Variants in MEGF6 observed in about 807,000 individuals in gnomAD.
MEGF6 encodes multiple epidermal growth factor-like domains protein 6.
In MEGF6, 184 loss-of-function variants were observed where a neutral mutation model predicts 207.1. The observed-to-expected ratio is 0.89, with a 90% confidence interval of 0.79 to 1.00. MEGF6 has a LOEUF of 1.00. Among genes scored for constraint, MEGF6 ranks in the 50% least tolerant of loss-of-function variants. The probability of loss-of-function intolerance (pLI) is 0.00; values close to 1 mark genes in which losing one functional copy is unlikely to be tolerated. For synonymous variants in MEGF6, 1,038 were observed against 910.0 expected (o/e 1.14, Z -2.53); for missense variants, 2,282 against 2,202.9 (o/e 1.04, Z -0.72).
chr1:3,543,890 T>C (rs1315904604), intron 4 of MEGF6, among the ~76,000 whole-genome samples: 1 of 152,182 alleles, frequency 6.6e-6, no homozygotes, highest in Non-Finnish European at 1.5e-5. Flanking sequence ...GCACACCACC[T>C]GCCGTGCCTG....
At chr1:3,530,855 A>T (rs1338704471) in intron 4 of MEGF6, among the ~76,000 whole-genome samples, 1 of 152,168 alleles carries the variant, frequency 6.6e-6, no homozygotes, top group East Asian at 1.9e-4. Flanking sequence ...CCTGGCTGTT[A>T]GTAGCCTCTG....
At chr1:3,598,504 T>TC (rs36094767) in intron 2 of MEGF6, among the ~76,000 whole-genome samples, 105,214 of 152,052 alleles carry the variant, frequency 0.69, 37,475 homozygotes, top group East Asian at 0.85. Flanking sequence ...TAAATATTTA[T>TC]CCCCTCTCCC....
intron 4 of MEGF6, among the ~76,000 whole-genome samples, chr1:3,578,704 C>A (rs1643710793): frequency 1.0e-5 from 1 of 95,776 alleles, no homozygotes; most frequent in African/African-American, 3.0e-5. Context: ...CCAGCACCAA[C>A]TGTCCGCCTT....
chr1:3,555,038 CA>C (rs989436117), intron 4 of MEGF6, among the ~76,000 whole-genome samples: 4 of 152,154 alleles, frequency 2.6e-5, no homozygotes, highest in African/African-American at 7.2e-5. Flanking sequence ...TCCTGGAACC[CA>C]GCCACACCCT....
chr1:3,589,005 T>C (rs78529100), intron 3 of MEGF6, among the ~76,000 whole-genome samples: 26 of 152,236 alleles, frequency 1.7e-4, no homozygotes, highest in Non-Finnish European at 3.7e-4. Flanking sequence ...GACCTCTAAA[T>C]GTGACCCTGC....
rs1213124334 is a variant in MEGF6, at chr1:3,488,244, C to A, written c.*2284G>T. Among the ~76,000 whole-genome samples, 1 of 152,194 alleles carries A rather than the reference C, an allele frequency of 6.6e-6. No individual in the cohort carries two copies. The highest frequency in any genetic ancestry group is 1.9e-4 in the East Asian group (1 of 5,192). ...TTATTCTGCTTTATTTTCCTCTGCT[C>A]CTGACCGCCGTTGGATAGCTGAGAT... On this transcript the variant is annotated 3_prime_UTR_variant, in exon 37 of 37. Transcript: ENST00000356575.
At position 3,574,754 on chromosome 1, in the gene MEGF6, T is replaced by C. The variant is rs982276686; in HGVS notation, c.481+5071A>G. ...ACCTCCCAGGTTCAATCAATCCTCC[T>C]GCCTCAGCCTCCTGGGTAGCTGGAA... On this transcript the variant is annotated intron_variant, in intron 4 of 36. Coordinates refer to ENST00000356575, the MANE Select transcript of MEGF6 (RefSeq NM_001409.4). Among the ~76,000 whole-genome samples, 38 of 152,210 alleles carry C rather than the reference T, an allele frequency of 2.5e-4. 1 individual carries two copies. The highest frequency in any genetic ancestry group is 4.4e-5 in the Non-Finnish European group (3 of 68,028).
Position 3,605,272 on chromosome 1 carries a change from AC to A in MEGF6, c.132-2673del, listed in dbSNP as rs377406344. Among the ~76,000 whole-genome samples, 45 of 151,970 alleles carry A rather than the reference AC, an allele frequency of 3.0e-4. No individual in the cohort carries two copies. The East Asian group carries it at 4.1e-3, about 14-fold the overall frequency. On this transcript the variant is annotated intron_variant, in intron 1 of 36. Transcript: ENST00000356575. ...AGAAGGCACTCACACATACTCTCAC[AC>A]CCACACAATCACACAAACGCAATCA...
intron 2 of MEGF6, among the ~76,000 whole-genome samples, chr1:3,598,748 C>A (rs956700766): frequency 2.7e-5 from 4 of 147,320 alleles, no homozygotes; most frequent in African/African-American, 5.0e-5. Flanking sequence ...CACTCCTCTG[C>A]CTTCTGCAGC....
At chr1:3,610,519 C>T (rs1242893023) in intron 1 of MEGF6, among the ~76,000 whole-genome samples, 5 of 151,746 alleles carry the variant, frequency 3.3e-5, no homozygotes, top group East Asian at 1.9e-4. Context: ...GCACGTTTTC[C>T]TTTGAGGCCA....
Position 3,510,838 on chromosome 1 carries a change from G to T in MEGF6, c.1179C>A (p.Tyr393Ter). 6.2e-7 allele frequency: 1 copy of T among 1,610,994 alleles called. No homozygotes were observed. Among genetic ancestry groups the T allele is most frequent in the Non-Finnish European group, 8.5e-7 (1 of 1,178,484 alleles). Reference protein sequence around the residue: ...QQVCTNNPGGYECGCYAGYRL... With the variant: ...QQVCTNNPGG ...GGTAGCCGGCGTAGCAGCCGCACTC[G>T]TACCCGCCAGGGTTGTTGGTGCACA... is the stretch of plus-strand genomic sequence containing the variant. Residue 393 changes from tyrosine (Y) to a stop codon, truncating the protein, a stop_gained, in exon 10 of 37, where the codon TAC becomes TAA. Transcript: ENST00000356575. LOFTEE classifies it high-confidence loss of function.
chr1:3,593,679 C>G (rs1039250686), intron 3 of MEGF6, among the ~76,000 whole-genome samples: 2 of 151,924 alleles, frequency 1.3e-5, no homozygotes, highest in Admixed American at 6.6e-5. Context: ...AGTGGAAACC[C>G]GGGGGAGCCT....
At chr1:3,597,491 C>T (rs1401464979) in intron 2 of MEGF6, among the ~76,000 whole-genome samples, 5 of 152,332 alleles carry the variant, frequency 3.3e-5, no homozygotes, top group Non-Finnish European at 2.9e-5. Context: ...CAGGTCCACC[C>T]GGCTGTGACC....
At chr1:3,499,334 G>A in intron 23 of MEGF6, 68 bp from the exon 24 acceptor site, 2 of 1,524,434 alleles carry the variant, frequency 1.3e-6, no homozygotes, top group Non-Finnish European at 1.8e-6. Context: ...GCAGATCACA[G>A]CCAGCTGGGC....
intron 3 of MEGF6, among the ~76,000 whole-genome samples, chr1:3,592,007 C>T (rs1364074481): frequency 1.3e-5 from 2 of 152,182 alleles, no homozygotes; most frequent in African/African-American, 2.4e-5. Flanking sequence ...GGCCCATCAG[C>T]GAACACTTGC....
chr1:3,613,688 G>A (rs571063900), upstream of MEGF6, among the ~76,000 whole-genome samples: 3 of 152,278 alleles, frequency 2.0e-5, no homozygotes, highest in South Asian at 2.1e-4. Context: ...AGCCTGAAAC[G>A]TATAAAATGA....
intron 4 of MEGF6, among the ~76,000 whole-genome samples, chr1:3,575,587 G>C (rs2101724803): frequency 6.6e-6 from 1 of 151,830 alleles, no homozygotes; most frequent in South Asian, 2.1e-4. Context: ...CACGTGGCTG[G>C]GGAGGCCTCA....
At chr1:3,570,154 G>A (rs1383958538) in intron 4 of MEGF6, among the ~76,000 whole-genome samples, 1 of 152,192 alleles carries the variant, frequency 6.6e-6, no homozygotes, top group Non-Finnish European at 1.5e-5. Flanking sequence ...GATGGTCGTG[G>A]AGGGGCCACA....
At chr1:3,593,860 T>C (rs1157360637) in intron 3 of MEGF6, among the ~76,000 whole-genome samples, 1 of 152,062 alleles carries the variant, frequency 6.6e-6, no homozygotes, top group Non-Finnish European at 1.5e-5. Flanking sequence ...AGTGGCCCCA[T>C]CTCCTCCTCC....
Sources: allele counts gnomAD v4.1 joint callset (sites outside exome capture counted in the v4.1 genomes callset), GRCh38; gene constraint gnomAD v4.1.1; transcripts MANE v1.5; gene names NCBI Gene and HGNC (gene_info 2026-07-23, HGNC 2026-07-21).